Variants in SLC39A11 observed in about 807,000 individuals in gnomAD.
SLC39A11 encodes zinc transporter ZIP11.
Under a neutral mutation model 36.1 loss-of-function variants are expected in SLC39A11, and 33 were observed. The observed-to-expected ratio is 0.91, with a 90% CI of 0.69 to 1.22. SLC39A11 has a LOEUF of 1.22. SLC39A11 is among the 50% of genes most tolerant of loss of function. SLC39A11 has a pLI of 0.00. For missense variants in SLC39A11, 432 were observed against 430.3 expected, an observed-to-expected ratio of 1.00 and a Z score of -0.03; for synonymous variants, 166 against 170.3, an observed-to-expected ratio of 0.97 and a Z score of 0.20.
At chr17:72,653,262 A>AC (rs2069941888) in intron 7 of SLC39A11, among the ~76,000 whole-genome samples, 1 of 142,766 alleles carries the variant, frequency 7.0e-6, no homozygotes, top group African/African-American at 2.6e-5. Context: ...GTGCCACCAC[A>AC]CCCCCCTATT....
At chr17:72,916,885 G>C (rs938252482) in intron 5 of SLC39A11, among the ~76,000 whole-genome samples, 1 of 152,132 alleles carries the variant, frequency 6.6e-6, no homozygotes, top group Non-Finnish European at 1.5e-5. Flanking sequence ...CTCAAGCTAG[G>C]AATACCCACA....
chr17:73,037,818 G>A (rs1049466932), intron 3 of SLC39A11, among the ~76,000 whole-genome samples: 1 of 152,256 alleles, frequency 6.6e-6, no homozygotes, highest in Non-Finnish European at 1.5e-5. Context: ...AAGCCAGGGG[G>A]AAGGTTTGGG....
chr17:72,720,170 C>A (rs1296328787), intron 7 of SLC39A11, among the ~76,000 whole-genome samples: 1 of 152,138 alleles, frequency 6.6e-6, no homozygotes, highest in African/African-American at 2.4e-5. Flanking sequence ...GAGAAAAACA[C>A]CACACAACGA....
intron 5 of SLC39A11, among the ~76,000 whole-genome samples, chr17:72,861,740 TTATATATATATATATATATATATATATA>T (rs71945815): frequency 1.5e-4 from 10 of 67,338 alleles, no homozygotes; most frequent in Non-Finnish European, 2.6e-4. Context: ...ACATTGGAGA[TTATATATATATATATATATATATATATA>T]TATATATATA....
chr17:72,970,017 T>C (rs2087321854), intron 4 of SLC39A11, among the ~76,000 whole-genome samples: 2 of 152,182 alleles, frequency 1.3e-5, no homozygotes, highest in South Asian at 2.1e-4. Flanking sequence ...CACCTCCACA[T>C]ACCTGAGCGA....
intron 6 of SLC39A11, among the ~76,000 whole-genome samples, chr17:72,753,085 T>C (rs1568032712): frequency 2.0e-5 from 3 of 152,074 alleles, no homozygotes; most frequent in Admixed American, 6.5e-5. Flanking sequence ...CTCGAACTCC[T>C]GGACTCAAGT....
At chr17:72,721,209 G>A (rs556604278) in intron 7 of SLC39A11, among the ~76,000 whole-genome samples, 55 of 150,432 alleles carry the variant, frequency 3.7e-4, no homozygotes, top group Non-Finnish European at 6.6e-4. Flanking sequence ...CGATTCTCCC[G>A]CCTCAGCCTC....
At chr17:72,964,635 A>C (rs2147966268) in intron 4 of SLC39A11, among the ~76,000 whole-genome samples, 1 of 152,320 alleles carries the variant, frequency 6.6e-6, no homozygotes, top group South Asian at 2.1e-4. Flanking sequence ...TTAGTATGAA[A>C]CCAGGTAGAG....
intron 7 of SLC39A11, among the ~76,000 whole-genome samples, chr17:72,721,432 C>T (rs773802933): frequency 2.6e-5 from 4 of 152,120 alleles, no homozygotes; most frequent in South Asian, 2.1e-4. Context: ...GGGCTGTGGA[C>T]GAGAGGCATC....
intron 4 of SLC39A11, among the ~76,000 whole-genome samples, chr17:72,959,721 AT>A (rs1005437256): frequency 3.9e-5 from 6 of 152,020 alleles, no homozygotes; most frequent in East Asian, 1.9e-4. Context: ...ATGGAAAAAA[AT>A]TTTTTTAAAT....
At chr17:72,801,736 GATCTTTTAGGGTGATAAAAGTTC>G (rs1158915548) in intron 6 of SLC39A11, among the ~76,000 whole-genome samples, 2 of 152,110 alleles carry the variant, frequency 1.3e-5, no homozygotes, top group Non-Finnish European at 2.9e-5. Context: ...AGTAACAAGG[GATCTTTTAGGGTGATAAAAGTTC>G]TATAATTGGA....
chr17:72,685,212 C>T (rs980304731), intron 7 of SLC39A11, among the ~76,000 whole-genome samples: 1 of 146,104 alleles, frequency 6.8e-6, no homozygotes, highest in African/African-American at 2.6e-5. Flanking sequence ...CAAACAGATA[C>T]CCCCACGCTG....
chr17:73,088,293 C>CAA (rs1555711947), intron 2 of SLC39A11, among the ~76,000 whole-genome samples: 2 of 65,978 alleles, frequency 3.0e-5, no homozygotes, highest in East Asian at 3.8e-4. Context: ...GATTCTGTCT[C>CAA]AAAAAAAAAA....
At chr17:73,037,337 C>T (rs1278796446) in intron 3 of SLC39A11, among the ~76,000 whole-genome samples, 1 of 152,210 alleles carries the variant, frequency 6.6e-6, no homozygotes, top group African/African-American at 2.4e-5. Context: ...TCAACATCAG[C>T]AATGCTCCTT....
chr17:72,932,924 A>G (rs1245942990), intron 5 of SLC39A11, among the ~76,000 whole-genome samples: 1 of 152,196 alleles, frequency 6.6e-6, no homozygotes, highest in Admixed American at 6.5e-5. Flanking sequence ...ATCTTTCAGG[A>G]CAGTGGTGGC....
At chr17:72,893,009 T>G (rs555651080) in intron 5 of SLC39A11, among the ~76,000 whole-genome samples, 1 of 152,154 alleles carries the variant, frequency 6.6e-6, no homozygotes, top group African/African-American at 2.4e-5. Flanking sequence ...AGCTATGACT[T>G]TGATTTCAAA....
At chr17:72,721,736 G>C (rs1285718117) in intron 7 of SLC39A11, among the ~76,000 whole-genome samples, 1 of 152,092 alleles carries the variant, frequency 6.6e-6, no homozygotes, top group South Asian at 2.1e-4. Context: ...TTGGGAGGAC[G>C]AGGCAGGCAG....
intron 4 of SLC39A11, among the ~76,000 whole-genome samples, chr17:72,978,394 G>C (rs2088023939): frequency 6.6e-6 from 1 of 152,180 alleles, no homozygotes; most frequent in South Asian, 2.1e-4. Flanking sequence ...CGATGATAAA[G>C]AAGTAAAAAA....
At position 73,043,562 on chromosome 17, in the gene SLC39A11, C is replaced by A. The variant is rs1402667021; in HGVS notation, c.148-11848G>T. Among the ~76,000 whole-genome samples, 3 of 152,148 alleles carry A rather than the reference C, an allele frequency of 2.0e-5. No individual in the cohort carries two copies. In the East Asian group the frequency reaches 5.8e-4, roughly 29 times the overall value. ...CAGGTCAGCATTAAGTACCCACTGT[C>A]TTCGGCAGGGTAACGGAGGCATTTT... On this transcript the variant is annotated intron_variant, in intron 3 of 9. Transcript: ENST00000255559.
Sources: gnomAD v4.1 joint callset for allele counts (sites outside exome capture counted in the v4.1 genomes callset) on GRCh38, gnomAD v4.1.1 for gene constraint, MANE v1.5 for transcripts, NCBI Gene and HGNC (gene_info 2026-07-23, HGNC 2026-07-21) for gene names.